The following NCALD variants were observed in gnomAD, a reference collection of about 807,000 sequenced individuals.
NCALD encodes the protein neurocalcin-delta.
Under a neutral mutation model 18.6 loss-of-function variants are expected in NCALD, and 10 were observed. The ratio of observed to expected loss-of-function variants is 0.54; its 90% CI spans 0.33 to 0.91. NCALD has a LOEUF of 0.91. NCALD is among the 40% of genes least tolerant of loss of function. The probability of loss-of-function intolerance (pLI) is 0.03; values close to 1 mark genes in which losing one functional copy is unlikely to be tolerated. For synonymous variants in NCALD, 88 were observed against 87.4 expected (o/e 1.01, Z -0.04); for missense variants, 184 against 247.6 (o/e 0.74, Z 1.72).
At chr8:101,728,518 A>G (rs1259056716) in intron 1 of NCALD, among the ~76,000 whole-genome samples, 1 of 152,250 alleles carries the variant, frequency 6.6e-6, no homozygotes, top group Admixed American at 6.5e-5. Flanking sequence ...GAAAGAGACC[A>G]GTTTCATTAA....
intron 1 of NCALD, among the ~76,000 whole-genome samples, chr8:101,746,860 TCCA>T (rs1053031472): frequency 1.1e-4 from 16 of 152,100 alleles, no homozygotes; most frequent in Admixed American, 7.2e-4. Context: ...TTCACTAAAT[TCCA>T]CCAAAAAGAT....
Position 102,047,526 on chromosome 8 carries a change from A to G in NCALD, c.-209-27237T>C, listed in dbSNP as rs570705537. Among the ~76,000 whole-genome samples, 4 of 152,364 alleles carry G rather than the reference A, an allele frequency of 2.6e-5. No homozygotes were observed. The South Asian group carries it at 8.3e-4, about 32-fold the overall frequency. ...AATGCAACTGAGAAACTGAAATGTTAGCTTTGTTTTAGCTTAATTAATTTA... is the reference window on the plus strand; with the variant it reads ...AATGCAACTGAGAAACTGAAATGTTGGCTTTGTTTTAGCTTAATTAATTTA... On this transcript the variant is annotated intron_variant, in intron 1 of 6. Coordinates refer to the NCALD transcript ENST00000311028.
chr8:101,703,413 G>A (rs79682800), intron 2 of NCALD, among the ~76,000 whole-genome samples: 5,100 of 152,260 alleles, frequency 0.033, 104 homozygotes, highest in Middle Eastern at 0.13. Context: ...AGCAGGACAG[G>A]TCAACACAGA....
At chr8:101,991,199 T>A (rs1323155178) in intron 2 of NCALD, among the ~76,000 whole-genome samples, 3 of 152,140 alleles carry the variant, frequency 2.0e-5, no homozygotes, top group African/African-American at 7.2e-5. Context: ...CTCCTCCAAT[T>A]CTGATGGTGC....
chr8:101,748,751 T>A (rs1172282380), intron 1 of NCALD, among the ~76,000 whole-genome samples: 4 of 152,172 alleles, frequency 2.6e-5, no homozygotes, highest in Non-Finnish European at 5.9e-5. Flanking sequence ...AAACAAGTGG[T>A]AGAGGCAGCA....
intron 1 of NCALD, among the ~76,000 whole-genome samples, chr8:101,748,203 C>A (rs938859181): frequency 1.3e-4 from 20 of 151,804 alleles, no homozygotes; most frequent in African/African-American, 4.8e-4. Context: ...TTTTTGTGTC[C>A]CCATGGCTTA....
intron 2 of NCALD, among the ~76,000 whole-genome samples, chr8:102,017,981 A>G (rs1005135342): frequency 2.6e-5 from 4 of 152,238 alleles, no homozygotes. Context: ...GCAAAGTAGG[A>G]CATGAAAAGG....
intron 1 of NCALD, among the ~76,000 whole-genome samples, chr8:101,727,488 G>A (rs1207623133): frequency 6.6e-6 from 1 of 152,032 alleles, no homozygotes; most frequent in Non-Finnish European, 1.5e-5. Flanking sequence ...TTTAGAGACA[G>A]GGTCTCGCAA....
intron 1 of NCALD, among the ~76,000 whole-genome samples, chr8:101,746,428 T>C (rs1447331977): frequency 6.6e-6 from 1 of 151,508 alleles, no homozygotes; most frequent in African/African-American, 2.4e-5. Flanking sequence ...CTAATAGCAA[T>C]AGCAACAACA....
In NCALD at chr8:101,689,306, G is replaced by A. The variant is rs754432617; in HGVS notation, c.*3C>T. 1 of 1,613,620 alleles carries A rather than the reference G, an allele frequency of 6.2e-7. No individual in the cohort carries two copies. The highest frequency in any genetic ancestry group is 1.7e-5 in the Admixed American group (1 of 59,992). ...TCTACAATTCGATTGGTGGGCGCAG[G>A]GCTCAGAACTGGCCGGCACTGCTCG... On this transcript the variant is annotated 3_prime_UTR_variant, in exon 4 of 4. Coordinates refer to ENST00000220931, the MANE Select transcript of NCALD (RefSeq NM_032041.3). This position sits in a 1 kb window ranked among gnomAD's most constrained non-coding sequence, Gnocchi z 4.4.
chr8:101,983,716 G>A (rs1820705087), intron 2 of NCALD, among the ~76,000 whole-genome samples: 1 of 152,184 alleles, frequency 6.6e-6, no homozygotes, highest in Non-Finnish European at 1.5e-5. Flanking sequence ...TGGGCCTTCT[G>A]GCCTTTCTGG....
intron 3 of NCALD, among the ~76,000 whole-genome samples, chr8:101,910,620 A>T (rs574509431): frequency 2.0e-5 from 3 of 152,350 alleles, no homozygotes; most frequent in African/African-American, 7.2e-5. Context: ...ATGTACAAAG[A>T]TACTATTTAT....
At chr8:101,751,717 G>A (rs1810668087) in intron 1 of NCALD, among the ~76,000 whole-genome samples, 1 of 152,090 alleles carries the variant, frequency 6.6e-6, no homozygotes, top group African/African-American at 2.4e-5. Context: ...ACAAGACCTG[G>A]CAAAGAGCAC....
At chr8:101,701,250 C>A (rs1815252164) in intron 2 of NCALD, among the ~76,000 whole-genome samples, 2 of 152,146 alleles carry the variant, frequency 1.3e-5, no homozygotes, top group South Asian at 4.1e-4. Flanking sequence ...CCCCAGACAG[C>A]CATCTGAGAC....
intron 4 of NCALD, among the ~76,000 whole-genome samples, chr8:101,877,061 G>A (rs981017199): frequency 5.9e-5 from 9 of 152,152 alleles, no homozygotes; most frequent in African/African-American, 2.2e-4. Flanking sequence ...AAAAATAAAC[G>A]AATTAATAAA....
chr8:101,896,993 T>G (rs1328444111), intron 3 of NCALD, among the ~76,000 whole-genome samples: 4 of 84,668 alleles, frequency 4.7e-5, no homozygotes, highest in African/African-American at 7.0e-5. Flanking sequence ...AAATACCATT[T>G]GACCCAGCCA....
chr8:101,925,142 A>G (rs1818291808), intron 2 of NCALD, among the ~76,000 whole-genome samples: 1 of 152,220 alleles, frequency 6.6e-6, no homozygotes, highest in Non-Finnish European at 1.5e-5. Flanking sequence ...TCAATCAGCC[A>G]GCCAAAAACA....
intron 1 of NCALD, among the ~76,000 whole-genome samples, chr8:102,107,487 G>A (rs945232131): frequency 4.0e-5 from 6 of 151,786 alleles, no homozygotes; most frequent in African/African-American, 1.5e-4. Context: ...TAGTATAATT[G>A]CTACTCTAAA....
intron 3 of NCALD, among the ~76,000 whole-genome samples, chr8:101,899,803 T>C (rs1042389867): frequency 6.6e-6 from 1 of 152,068 alleles, no homozygotes; most frequent in Admixed American, 6.5e-5. Context: ...CTCACATCTA[T>C]CTTTATAAGA....
Sources: allele counts gnomAD v4.1 joint callset (sites outside exome capture counted in the v4.1 genomes callset), GRCh38; gene constraint gnomAD v4.1.1; non-coding constraint Gnocchi (gnomAD v3.1); transcripts MANE v1.5; gene names NCBI Gene and HGNC (gene_info 2026-07-23, HGNC 2026-07-21).